The following TRDMT1 variants were observed in gnomAD, a reference collection of about 807,000 sequenced individuals.
TRDMT1 encodes the protein tRNA aspartic acid methyltransferase 1, also known as tRNA (cytosine(38)-C(5))-methyltransferase.
In TRDMT1, 49 loss-of-function variants were observed where a neutral mutation model predicts 51.2. The observed-to-expected ratio is 0.96, with a 90% CI of 0.76 to 1.21. TRDMT1 has a LOEUF of 1.21. Ranked by LOEUF, TRDMT1 falls within the 50% of genes most tolerant of loss-of-function variation. The pLI is 0.00. For synonymous variants in TRDMT1, 187 were observed against 164.6 expected, an observed-to-expected ratio of 1.14 and a Z score of -1.04; for missense variants, 534 against 462.3, an observed-to-expected ratio of 1.16 and a Z score of -1.42.
At position 17,201,599 on chromosome 10, in the gene TRDMT1, G is replaced by A; in HGVS notation, c.36C>T (p.Gly12=). The A allele has an allele frequency of 6.5e-7, 1 of 1,547,642 alleles. No individual in the cohort carries two copies. The highest frequency in any genetic ancestry group is 8.7e-7 in the Non-Finnish European group (1 of 1,145,792). Residue 12 remains glycine, a synonymous_variant, in exon 1 of 11, where the codon GGC becomes GGT. Transcript: ENST00000377799. ...TCAGCGCGTGGTGCATGCCGCCCAC[G>A]CCGCTGTATAGCTCCAGCACCCGCA... ...EPLRVLELYS[G]VGGMHHALRE... is the part of the protein sequence containing the mutation.
Position 17,148,065 on chromosome 10 carries a change from T to C in TRDMT1, c.*975A>G. Reference sequence around the variant, plus strand: ...CTCTTCTCTTTGTCACTTGCTTTTATCACAAACCATAGAATTTATGATGCA... The same window carrying C: ...CTCTTCTCTTTGTCACTTGCTTTTACCACAAACCATAGAATTTATGATGCA... On this transcript the variant is annotated 3_prime_UTR_variant, in exon 11 of 11. Coordinates refer to ENST00000377799, the MANE Select transcript of TRDMT1 (RefSeq NM_004412.7). 1.0e-6 allele frequency: 1 copy of C among 985,400 alleles called. No homozygotes were observed. The highest frequency in any genetic ancestry group is 1.2e-6 in the Non-Finnish European group (1 of 829,884). 61.0% of individuals were successfully genotyped at this position (985,400 alleles called of 1,614,324 possible).
intron 4 of TRDMT1, among the ~76,000 whole-genome samples, 199 bp downstream of exon 4, chr10:17,161,967 T>A (rs1417470494): frequency 6.6e-6 from 1 of 152,228 alleles, no homozygotes; most frequent in East Asian, 1.9e-4. Context: ...TCCCTGTCAC[T>A]CACCGTGGTG....
chr10:17,150,956 T>C (rs1420829896), intron 10 of TRDMT1: 2 of 985,090 alleles, frequency 2.0e-6, no homozygotes, highest in Non-Finnish European at 2.4e-6. Flanking sequence ...GAAAGAAAGG[T>C]TTGAAAACAA....
At chr10:17,170,088 T>C (rs1841762746) in intron 2 of TRDMT1, among the ~76,000 whole-genome samples, 1 of 152,156 alleles carries the variant, frequency 6.6e-6, no homozygotes, top group Non-Finnish European at 1.5e-5. Flanking sequence ...CAATCTCTCA[T>C]AGCAATTATT....
At chr10:17,171,924 T>A (rs1039250870) in intron 2 of TRDMT1, 13 of 166,092 alleles carry the variant, frequency 7.8e-5, no homozygotes, top group African/African-American at 3.1e-4. Context: ...TTATTAAGAG[T>A]TTTTGTTCCA....
intron 1 of TRDMT1, among the ~76,000 whole-genome samples, chr10:17,185,942 T>G (rs1843839643): frequency 6.6e-6 from 1 of 151,916 alleles, no homozygotes; most frequent in African/African-American, 2.4e-5. Context: ...CATTAGGAGA[T>G]ATACCTAATG....
rs751118827 is a variant in TRDMT1, at chr10:17,160,370, G to A, written c.394C>T (p.Leu132Phe). Residue 132 changes from leucine (L) to phenylalanine (F), a missense_variant, in exon 6 of 11, where the codon CTC (leucine) becomes TTC (phenylalanine). Transcript: ENST00000377799. Reference sequence around the variant, plus strand: ...CAATTTTCTATTGTTTGTATCAAGAGGTCTCTAAAAAGAAAAAAAAAAAAC... The same window carrying A: ...CAATTTTCTATTGTTTGTATCAAGAAGTCTCTAAAAAGAAAAAAAAAAAAC... ...KGFEVSSTRDLLIQTIENCGF... is the reference protein window; with the variant it reads ...KGFEVSSTRDFLIQTIENCGF... The A allele has an allele frequency of 6.5e-7, 1 of 1,530,176 alleles. No individual in the cohort carries two copies. Among genetic ancestry groups the A allele is most frequent in the Non-Finnish European group, 8.8e-7 (1 of 1,138,776 alleles). 94.8% of individuals were successfully genotyped at this position (1,530,176 alleles called of 1,614,324 possible). A position where few individuals can be genotyped will look rare whatever the true frequency, so the allele number is the denominator to read the frequency against.
intron 1 of TRDMT1, chr10:17,200,485 T>C (rs1042425853): frequency 6.0e-6 from 1 of 167,976 alleles, no homozygotes; most frequent in Non-Finnish European, 1.5e-5. Flanking sequence ...AAAAAACTTA[T>C]ACGCTAAACC....
At chr10:17,188,963 A>G (rs539796369) in intron 1 of TRDMT1, among the ~76,000 whole-genome samples, 5 of 152,302 alleles carry the variant, frequency 3.3e-5, no homozygotes, top group Admixed American at 2.0e-4. Context: ...ATTCATTTCT[A>G]TGGTTTCTGG....
rs1051046054 is a variant in TRDMT1 at position 17,145,331 on chromosome 10, G to C, written c.*3709C>G. ...ATGAAAGGCATAACTAGACATCTTG[G>C]TGGGTGTGACAGAGGTCCAGAAAAG... On this transcript the variant is annotated 3_prime_UTR_variant, in exon 11 of 11. Transcript: ENST00000377799. 2 of 985,346 alleles carry C rather than the reference G, an allele frequency of 2.0e-6. No individual in the cohort carries two copies. The highest frequency in any genetic ancestry group is 3.5e-5 in the African/African-American group (2 of 57,228). The allele number at this position is 985,346 out of a possible 1,614,324, so 61.0% of individuals were successfully genotyped here. A position where few individuals can be genotyped will look rare whatever the true frequency, so the allele number is the denominator to read the frequency against.
Position 17,148,925 on chromosome 10 carries a change from A to C in TRDMT1, c.*115T>G, listed in dbSNP as rs1348523143. The C allele has an allele frequency of 7.3e-7, 1 of 1,363,228 alleles. No homozygotes were observed. Among genetic ancestry groups the C allele is most frequent in the Non-Finnish European group, 9.5e-7 (1 of 1,047,698 alleles). 84.4% of individuals were successfully genotyped at this position (1,363,228 alleles called of 1,614,324 possible). A position where few individuals can be genotyped will look rare whatever the true frequency, so the allele number is the denominator to read the frequency against. On this transcript the variant is annotated 3_prime_UTR_variant, in exon 11 of 11. Coordinates refer to ENST00000377799, the MANE Select transcript of TRDMT1 (RefSeq NM_004412.7). ...ATAAAATCCAAATTTCTTAATAAGG[A>C]CAGATTAAAATAATTTAGTTAAATT...
intron 1 of TRDMT1, among the ~76,000 whole-genome samples, chr10:17,198,979 T>A (rs1387446459): frequency 6.6e-6 from 1 of 152,214 alleles, no homozygotes; most frequent in Non-Finnish European, 1.5e-5. Flanking sequence ...AAAGGTCAGG[T>A]AGGTAGACCT....
In TRDMT1 at chr10:17,140,168, C is replaced by T. The variant is rs1335887614; in HGVS notation, c.*8872G>A. Among the ~76,000 whole-genome samples the T allele has an allele frequency of 6.7e-6, 1 of 149,750 alleles. No individual in the cohort carries two copies. Among genetic ancestry groups the T allele is most frequent in the Non-Finnish European group, 1.5e-5 (1 of 67,656 alleles). ...GGTTCCAGTGAGTCTCCTGCCTCAGCCTCCTGAATAGCTGAGATTACAGGC... is the reference window on the plus strand; with the variant it reads ...GGTTCCAGTGAGTCTCCTGCCTCAGTCTCCTGAATAGCTGAGATTACAGGC... On this transcript the variant is annotated 3_prime_UTR_variant, in exon 11 of 11. Coordinates refer to ENST00000377799, the MANE Select transcript of TRDMT1 (RefSeq NM_004412.7).
At position 17,201,607 on chromosome 10, in the gene TRDMT1, A is replaced by C; in HGVS notation, c.28T>G (p.Tyr10Asp). The C allele has an allele frequency of 6.5e-7, 1 of 1,548,104 alleles. No homozygotes were observed. Among genetic ancestry groups the C allele is most frequent in the Non-Finnish European group, 8.7e-7 (1 of 1,145,664 alleles). The part of the protein sequence containing the change: MEPLRVLEL[Y>D]SGVGGMHHAL... The stretch of plus-strand genomic sequence containing the variant: ...TGGTGCATGCCGCCCACGCCGCTGT[A>C]TAGCTCCAGCACCCGCAGGGGCTCC... Residue 10 changes from tyrosine (Y) to aspartate (D), a missense_variant, in exon 1 of 11, where the codon TAC (tyrosine) becomes GAC (aspartate). Coordinates refer to ENST00000377799, the MANE Select transcript of TRDMT1 (RefSeq NM_004412.7).
chr10:17,157,336 A>C (rs1433759659), intron 8 of TRDMT1, 105 bp downstream of exon 8: 1 of 1,160,446 alleles, frequency 8.6e-7, no homozygotes, highest in African/African-American at 1.6e-5. Flanking sequence ...TTCTAGCAAA[A>C]ACATTTTATA....
intron 9 of TRDMT1, among the ~76,000 whole-genome samples, chr10:17,154,008 A>G (rs1564559682): frequency 1.3e-5 from 2 of 152,188 alleles, no homozygotes; most frequent in Non-Finnish European, 2.9e-5. Context: ...GAATCATTAA[A>G]ACTTTTATTT....
chr10:17,193,364 C>T (rs530496921), intron 1 of TRDMT1, among the ~76,000 whole-genome samples: 4 of 152,150 alleles, frequency 2.6e-5, no homozygotes, highest in East Asian at 1.9e-4. Context: ...AGACGTCAAA[C>T]GATCTCTCTT....
At chr10:17,150,618 A>G in intron 10 of TRDMT1, 1 of 985,282 alleles carries the variant, frequency 1.0e-6, no homozygotes, top group East Asian at 1.1e-4. Context: ...TAAAGGAAAA[A>G]TAAGTTAGAT....
In TRDMT1 at chr10:17,146,755, C is replaced by T. The variant is rs1306052793; in HGVS notation, c.*2285G>A. 3 of 985,248 alleles carry T rather than the reference C, an allele frequency of 3.0e-6. No homozygotes were observed. Among genetic ancestry groups the T allele is most frequent in the South Asian group, 9.4e-5 (2 of 21,292 alleles). The allele number at this position is 985,248 out of a possible 1,614,324, so 61.0% of individuals were successfully genotyped here. A position where few individuals can be genotyped will look rare whatever the true frequency, so the allele number is the denominator to read the frequency against. On this transcript the variant is annotated 3_prime_UTR_variant, in exon 11 of 11. Transcript: ENST00000377799. ...GTCCAAATATCAGGAAACAGAATTT[C>T]CAGTGCAAATTTTATATACAGCATT...
Sources: gnomAD v4.1 joint callset for allele counts (sites outside exome capture counted in the v4.1 genomes callset) on GRCh38, gnomAD v4.1.1 for gene constraint, MANE v1.5 for transcripts, NCBI Gene and HGNC (gene_info 2026-07-23, HGNC 2026-07-21) for gene names.